Variants in KIF1A observed in about 807,000 individuals in gnomAD.
KIF1A encodes the protein kinesin family member 1A.
A neutral mutation model predicts 227.3 loss-of-function variants in KIF1A; 46 were observed. The observed-to-expected ratio is 0.20, with a 90% CI of 0.16 to 0.26. KIF1A has a LOEUF of 0.26. KIF1A is among the 10% of genes least tolerant of loss of function. The pLI is 1.00. For missense variants in KIF1A, 1,683 were observed against 2,485.9 expected (o/e 0.68, Z 6.87); for synonymous variants, 1,022 against 1,012.8 (o/e 1.01, Z -0.17).
At chr2:240,754,056 C>T (rs2049534915) in intron 27 of KIF1A, among the ~76,000 whole-genome samples, 1 of 152,192 alleles carries the variant, frequency 6.6e-6, no homozygotes, top group African/African-American at 2.4e-5. Flanking sequence ...CTTTTTTGGA[C>T]TGTCCTCATG....
Position 240,788,981 on chromosome 2 carries a change from A to G in KIF1A, c.183+255T>C, listed in dbSNP as rs1170066305. The stretch of plus-strand genomic sequence containing the variant: ...CTGACTTTGGGATGTCTGGGGGAAA[A>G]GTCACCAGCAGATGGACGTACACAC... On this transcript the variant is annotated intron_variant, in intron 3 of 48. Transcript: ENST00000498729. The surrounding 1 kb of genome is among the most constrained non-coding windows in gnomAD (Gnocchi z 6.6). Among the ~76,000 whole-genome samples the G allele has an allele frequency of 2.6e-5, 4 of 152,090 alleles. No individual in the cohort carries two copies. In the South Asian group the frequency reaches 6.2e-4, roughly 24 times the overall value.
rs1301255593 is a variant in KIF1A, at chr2:240,717,057, T to C, written c.*307A>G. On this transcript the variant is annotated 3_prime_UTR_variant, in exon 49 of 49. Coordinates refer to ENST00000498729, the MANE Select transcript of KIF1A (RefSeq NM_001244008.2). ...CTAACGTATATTAATTATAAGTCTG[T>C]CTATGCTTAAAAAAATATTAGAACG... 1 of 410,760 alleles carries C rather than the reference T, an allele frequency of 2.4e-6. No individual in the cohort carries two copies. Among genetic ancestry groups the C allele is most frequent in the African/African-American group, 2.0e-5 (1 of 50,120 alleles). The allele number at this position is 410,760 out of a possible 1,614,324, so 25.4% of individuals were successfully genotyped here. A position where few individuals can be genotyped will look rare whatever the true frequency, so the allele number is the denominator to read the frequency against.
chr2:240,782,987 T>G, intron 9 of KIF1A, 57 bp downstream of exon 9: 1 of 1,372,940 alleles, frequency 7.3e-7, no homozygotes, highest in Non-Finnish European at 1.0e-6. Flanking sequence ...AGGGGCAGGA[T>G]GGGGCGCCAA....
intron 15 of KIF1A, 79 bp downstream of exon 15, chr2:240,770,892 G>C: frequency 1.3e-6 from 2 of 1,533,508 alleles, no homozygotes; most frequent in Non-Finnish European, 1.8e-6. Context: ...GTACCCAGGA[G>C]GGCAGGGTGC....
chr2:240,772,210 G>A (rs968655836), intron 14 of KIF1A, among the ~76,000 whole-genome samples: 1 of 152,198 alleles, frequency 6.6e-6, no homozygotes, highest in Non-Finnish European at 1.5e-5. Context: ...TGGCCCTTTG[G>A]TGCTGATATC....
chr2:240,787,823 C>CCA (rs2126089749), intron 4 of KIF1A, among the ~76,000 whole-genome samples: 1 of 152,308 alleles, frequency 6.6e-6, no homozygotes, highest in African/African-American at 2.4e-5. Context: ...TCAAGGTGGA[C>CCA]CCTGTCCAAG....
At chr2:240,718,605 T>C (rs550642184) in intron 47 of KIF1A, among the ~76,000 whole-genome samples, 8 of 152,340 alleles carry the variant, frequency 5.3e-5, no homozygotes, top group Non-Finnish European at 1.0e-4. Flanking sequence ...TCCAGGGCCA[T>C]TCCAGACGGA....
At chr2:240,786,221 C>CG in intron 6 of KIF1A, 114 bp downstream of exon 6, 1 of 1,060,490 alleles carries the variant, frequency 9.4e-7, no homozygotes, top group Non-Finnish European at 1.4e-6. Flanking sequence ...CACACCTCCG[C>CG]GGGGGCACAG....
chr2:240,751,365 G>C lies in KIF1A; in HGVS notation c.2859-818C>G, dbSNP rs566122286. On this transcript the variant is annotated intron_variant, in intron 27 of 48. Coordinates refer to ENST00000498729, the MANE Select transcript of KIF1A (RefSeq NM_001244008.2). ...GTGGCTCTGAGCACCATGACCTCCA[G>C]CATGGGAAAGGGCCGTGCCTGGGGC... Among the ~76,000 whole-genome samples the C allele has an allele frequency of 8.5e-5, 13 of 152,306 alleles. No homozygotes were observed. In the East Asian group the frequency reaches 2.3e-3, roughly 27 times the overall value.
At chr2:240,761,086 G>C (rs911487397) in intron 24 of KIF1A, 143 bp downstream of exon 24, 2 of 1,074,756 alleles carry the variant, frequency 1.9e-6, no homozygotes, top group Non-Finnish European at 2.7e-6. Context: ...CCACCCTTCT[G>C]GGGGGCCAGG....
intron 14 of KIF1A, 107 bp from the exon 15 acceptor site, chr2:240,771,211 G>A (rs748604827): frequency 1.5e-6 from 2 of 1,340,812 alleles, no homozygotes; most frequent in Non-Finnish European, 2.1e-6. Context: ...CGGGCAGACA[G>A]ACAGAGGGAG....
At chr2:240,722,816 G>A (rs2045563955) in intron 42 of KIF1A, among the ~76,000 whole-genome samples, 160 bp from the exon 43 acceptor site, 1 of 152,070 alleles carries the variant, frequency 6.6e-6, no homozygotes, top group Admixed American at 6.5e-5. Flanking sequence ...GTGAAATGAG[G>A]GAACAGACCC....
chr2:240,721,737 T>C, intron 44 of KIF1A, 70 bp downstream of exon 44: 1 of 1,275,196 alleles, frequency 7.8e-7, no homozygotes, highest in South Asian at 1.3e-5. Context: ...ATGGGAGTTT[T>C]CCTCAGGGAC....
At position 240,725,641 on chromosome 2, in the gene KIF1A, G is replaced by C; in HGVS notation, c.4123-237C>G. The C allele has an allele frequency of 1.9e-6, 1 of 520,484 alleles. No homozygotes were observed. Among genetic ancestry groups the C allele is most frequent in the Non-Finnish European group, 3.4e-6 (1 of 294,426 alleles). 32.2% of individuals were successfully genotyped at this position (520,484 alleles called of 1,614,324 possible). A position where few individuals can be genotyped will look rare whatever the true frequency, so the allele number is the denominator to read the frequency against. ...CACCCCTGGGCTGCCTGAGGGACTG[G>C]TCTCCATGTGTGGGGACCCCGAGGG... On this transcript the variant is annotated intron_variant, in intron 39 of 48. Coordinates refer to ENST00000498729, the MANE Select transcript of KIF1A (RefSeq NM_001244008.2). The surrounding 1 kb of genome is among the most constrained non-coding windows in gnomAD (Gnocchi z 5.8).
chr2:240,726,810 G>A lies in KIF1A; in HGVS notation c.4122+16C>T. On this transcript the variant is annotated intron_variant, in intron 39 of 48. Coordinates refer to ENST00000498729, the MANE Select transcript of KIF1A (RefSeq NM_001244008.2). This position sits in a 1 kb window ranked among gnomAD's most constrained non-coding sequence, Gnocchi z 5.2. ...CTGAGTGGTTTTGGTGGAGTGCCCT[G>A]GCATAGGTGCCTTGCCTCGATATAA... 1 of 1,525,686 alleles carries A rather than the reference G, an allele frequency of 6.6e-7. No homozygotes were observed. The highest frequency in any genetic ancestry group is 9.0e-7 in the Non-Finnish European group (1 of 1,105,666). 94.5% of individuals were successfully genotyped at this position (1,525,686 alleles called of 1,614,324 possible). A position where few individuals can be genotyped will look rare whatever the true frequency, so the allele number is the denominator to read the frequency against.
chr2:240,786,007 T>C (rs2054699039), intron 6 of KIF1A, among the ~76,000 whole-genome samples: 1 of 151,960 alleles, frequency 6.6e-6, no homozygotes, highest in South Asian at 2.1e-4. Flanking sequence ...CCACACAGAA[T>C]GTGGACCCCT....
At chr2:240,768,211 C>T (rs1385539613) in intron 17 of KIF1A, among the ~76,000 whole-genome samples, 1 of 152,244 alleles carries the variant, frequency 6.6e-6, no homozygotes, top group African/African-American at 2.4e-5. Context: ...GAGTTCCACC[C>T]TATCCCTCCA....
Position 240,757,624 on chromosome 2 carries a change from G to A in KIF1A, c.2583-30C>T. ...GGTTAGTGCGACAAGACAGAGAGAA[G>A]TTAACACCAGCGACTCGCAGGGACG... On this transcript the variant is annotated intron_variant, in intron 26 of 48. Coordinates refer to ENST00000498729, the MANE Select transcript of KIF1A (RefSeq NM_001244008.2). This position sits in a 1 kb window ranked among gnomAD's most constrained non-coding sequence, Gnocchi z 6.2. 9.0e-6 allele frequency: 13 copies of A among 1,450,380 alleles called. No individual in the cohort carries two copies. The highest frequency in any genetic ancestry group is 1.2e-5 in the Non-Finnish European group (13 of 1,085,250). 89.8% of individuals were successfully genotyped at this position (1,450,380 alleles called of 1,614,324 possible).
rs372530602 is a variant in KIF1A at position 240,778,590 on chromosome 2, G to A, written c.883-2664C>T. On this transcript the variant is annotated intron_variant, in intron 10 of 48. Coordinates refer to ENST00000498729, the MANE Select transcript of KIF1A (RefSeq NM_001244008.2). This position sits in a 1 kb window ranked among gnomAD's most constrained non-coding sequence, Gnocchi z 7.2. Reference sequence around the variant, plus strand: ...GCCTCACAGCAGCCACGCAGCTCCCGAAAACCCCTTCAGCTCGGCCCCCGT... The same window carrying A: ...GCCTCACAGCAGCCACGCAGCTCCCAAAAACCCCTTCAGCTCGGCCCCCGT... 7.5e-5 allele frequency among the ~76,000 whole-genome samples: 11 copies of A among 146,196 alleles called. No homozygotes were observed. Among genetic ancestry groups the A allele is most frequent in the African/African-American group, 2.1e-4 (8 of 38,216 alleles).
Sources: gnomAD v4.1 joint callset for allele counts (sites outside exome capture counted in the v4.1 genomes callset) on GRCh38, gnomAD v4.1.1 for gene constraint, Gnocchi (gnomAD v3.1) non-coding constraint, MANE v1.5 for transcripts, NCBI Gene and HGNC (gene_info 2026-07-23, HGNC 2026-07-21) for gene names.